PLA2G4C: variants seen among roughly 807,000 people sequenced by gnomAD.
PLA2G4C encodes the protein cytosolic phospholipase A2 gamma.
In PLA2G4C, 64 loss-of-function variants were observed where a neutral mutation model predicts 73.8. That is an observed-to-expected ratio of 0.87 (90% CI 0.71 to 1.07). The LOEUF (loss-of-function observed/expected upper bound fraction) is 1.07. PLA2G4C is among the 50% of genes least tolerant of loss of function. PLA2G4C has a pLI of 0.00. For missense variants in PLA2G4C, 622 were observed against 665.4 expected (o/e 0.93, Z 0.72); for synonymous variants, 254 against 252.1 (o/e 1.01, Z -0.07).
At chr19:48,067,087 A>C (rs533074167) in intron 13 of PLA2G4C, among the ~76,000 whole-genome samples, 21 of 152,188 alleles carry the variant, frequency 1.4e-4, no homozygotes, top group Admixed American at 2.6e-4. Context: ...AAATGGCCTC[A>C]GTGTGAGTTC....
Position 48,086,791 on chromosome 19 carries a change from C to T in PLA2G4C, c.791-1679G>A, listed in dbSNP as rs556587733. On this transcript the variant is annotated intron_variant, in intron 9 of 16. Coordinates refer to ENST00000599921, the MANE Select transcript of PLA2G4C (RefSeq NM_003706.3). ...TCAGCTATCACCACTGCATGCACCACTCTGGCTAACCAGGAGGTCCTGAGT... is the reference window on the plus strand; with the variant it reads ...TCAGCTATCACCACTGCATGCACCATTCTGGCTAACCAGGAGGTCCTGAGT... Among the ~76,000 whole-genome samples the T allele has an allele frequency of 2.7e-4, 41 of 152,312 alleles. 1 individual carries two copies. The South Asian group carries it at 3.9e-3, about 15-fold the overall frequency.
intron 5 of PLA2G4C, among the ~76,000 whole-genome samples, chr19:48,098,713 T>TAAAAAAAAAAAAAAAAAA (rs548688675): frequency 6.5e-5 from 2 of 30,862 alleles, no homozygotes; most frequent in Admixed American, 5.5e-4. Flanking sequence ...ACCCTATCTC[T>TAAAAAAAAAAAAAAAAAA]AAAAAAAAAA....
Position 48,093,272 on chromosome 19 carries a change from C to A in PLA2G4C, c.709+2192G>T, listed in dbSNP as rs548004229. 2.0e-5 allele frequency among the ~76,000 whole-genome samples: 3 copies of A among 152,292 alleles called. No individual in the cohort carries two copies. The South Asian group carries it at 6.2e-4, about 32-fold the overall frequency. On this transcript the variant is annotated intron_variant, in intron 7 of 16. Transcript: ENST00000599921. ...GGAACCTTTGATGTCATCTCTGATT[C>A]TCCTTACTCTCCACATCCAATCCAG...
intron 12 of PLA2G4C, among the ~76,000 whole-genome samples, chr19:48,069,299 G>T (rs558302173): frequency 1.3e-5 from 2 of 152,206 alleles, no homozygotes; most frequent in South Asian, 4.1e-4. Flanking sequence ...CTGTGTATCT[G>T]GGGAAATGAG....
chr19:48,102,434 T>C (rs2031968460), intron 4 of PLA2G4C, among the ~76,000 whole-genome samples: 1 of 151,202 alleles, frequency 6.6e-6, no homozygotes, highest in Non-Finnish European at 1.5e-5. Flanking sequence ...GAGGTTGCAA[T>C]GAGCCAAGAT....
chr19:48,061,232 G>A (rs1229936278), intron 14 of PLA2G4C: 1 of 150,244 alleles, frequency 6.7e-6, no homozygotes, highest in Non-Finnish European at 1.5e-5. Flanking sequence ...AGGCTGCAGT[G>A]AGCTATGATC....
chr19:48,089,214 G>A (rs2031155157), intron 8 of PLA2G4C, among the ~76,000 whole-genome samples: 1 of 152,140 alleles, frequency 6.6e-6, no homozygotes, highest in African/African-American at 2.4e-5. Context: ...ATCACTTGAG[G>A]TCAGGAGTTC....
intron 10 of PLA2G4C, among the ~76,000 whole-genome samples, chr19:48,084,760 C>A (rs1272632955): frequency 6.6e-6 from 1 of 152,154 alleles, no homozygotes; most frequent in African/African-American, 2.4e-5. Context: ...ATTATTATCA[C>A]CCACATGGCA....
intron 12 of PLA2G4C, 126 bp from the exon 13 acceptor site, chr19:48,068,012 A>G (rs1968507629): frequency 1.4e-6 from 1 of 740,160 alleles, no homozygotes; most frequent in African/African-American, 1.7e-5. Context: ...ACTTTTAAAG[A>G]GGTCATTCAG....
intron 9 of PLA2G4C, among the ~76,000 whole-genome samples, chr19:48,088,183 C>T (rs878943133): frequency 6.6e-6 from 1 of 152,074 alleles, no homozygotes; most frequent in Admixed American, 6.5e-5. Flanking sequence ...ACCATTCCAG[C>T]CCTGTAGGCA....
At chr19:48,106,989 C>T (rs1331945778) in intron 1 of PLA2G4C, among the ~76,000 whole-genome samples, 1 of 152,106 alleles carries the variant, frequency 6.6e-6, no homozygotes, top group Non-Finnish European at 1.5e-5. Flanking sequence ...GGATTACAGG[C>T]ATGCACCACC....
At chr19:48,083,051 T>C (rs2030707606) in intron 10 of PLA2G4C, among the ~76,000 whole-genome samples, 1 of 150,342 alleles carries the variant, frequency 6.7e-6, no homozygotes, top group African/African-American at 2.4e-5. Flanking sequence ...CCTGACCTGG[T>C]GATCCACCCG....
At position 48,093,797 on chromosome 19, in the gene PLA2G4C, G is replaced by A. The variant is rs530238972; in HGVS notation, c.709+1667C>T. Among the ~76,000 whole-genome samples, 9 of 152,274 alleles carry A rather than the reference G, an allele frequency of 5.9e-5. No individual in the cohort carries two copies. In the East Asian group the frequency reaches 1.7e-3, roughly 29 times the overall value. ...TGTTGAGGGAGAGACCTGGTGGGAG[G>A]TAATCAGATCATGGGGGCAGATCCC... On this transcript the variant is annotated intron_variant, in intron 7 of 16. Transcript: ENST00000599921.
At chr19:48,097,252 T>TTCTTC (rs1211767082) in intron 6 of PLA2G4C, 1 of 56,088 alleles carries the variant, frequency 1.8e-5, no homozygotes, top group East Asian at 6.1e-3. Flanking sequence ...TTCTTTTTTC[T>TTCTTC]TTTTTTTTTT....
In PLA2G4C at chr19:48,097,251, C is replaced by CTTTTTTTTTTTTTTTTTTTTTTTT. The variant is rs1176855747; in HGVS notation, c.568+887_568+888insAAAAAAAAAAAAAAAAAAAAAAAA. 7 of 86,574 alleles carry CTTTTTTTTTTTTTTTTTTTTTTTT rather than the reference C, an allele frequency of 8.1e-5. 1 individual carries two copies. Among genetic ancestry groups the CTTTTTTTTTTTTTTTTTTTTTTTT allele is most frequent in the African/African-American group, 3.4e-4 (7 of 20,636 alleles). The allele number at this position is 86,574 out of a possible 1,614,324, so 5.4% of individuals were successfully genotyped here. On this transcript the variant is annotated intron_variant, in intron 6 of 16. Transcript: ENST00000599921. Reference sequence around the variant, plus strand: ...AGTTTTCTTTACTTTTTTCTTTTTTCTTTTTTTTTTTTTTTTTTTGAGACG... The same window carrying CTTTTTTTTTTTTTTTTTTTTTTTT: ...AGTTTTCTTTACTTTTTTCTTTTTTCTTTTTTTTTTTTTTTTTTTTTTTTTTTTTTTTTTTTTTTTTTTGAGACG...
At chr19:48,081,423 A>G (rs1475921100) in intron 10 of PLA2G4C, among the ~76,000 whole-genome samples, 2 of 152,150 alleles carry the variant, frequency 1.3e-5, no homozygotes, top group African/African-American at 2.4e-5. Context: ...AACGGACTTC[A>G]GAGATTCAGA....
In PLA2G4C at chr19:48,110,559, G is replaced by A. The variant is rs1332283523; in HGVS notation, c.-105C>T. 3 of 1,483,604 alleles carry A rather than the reference G, an allele frequency of 2.0e-6. No individual in the cohort carries two copies. The highest frequency in any genetic ancestry group is 1.4e-5 in the African/African-American group (1 of 69,484). 91.9% of individuals were successfully genotyped at this position (1,483,604 alleles called of 1,614,324 possible). On this transcript the variant is annotated 5_prime_UTR_variant, in exon 1 of 17. Transcript: ENST00000599921. ...TCCGGAATCCGGTGCGGAGGCTTGG[G>A]CTCCCTGCGCTTAGCGGTGTAGTCG...
At chr19:48,082,295 T>G (rs1028744968) in intron 10 of PLA2G4C, among the ~76,000 whole-genome samples, 1 of 152,012 alleles carries the variant, frequency 6.6e-6, no homozygotes, top group Non-Finnish European at 1.5e-5. Flanking sequence ...TTGATCCTTA[T>G]AATTAAAATA....
intron 10 of PLA2G4C, among the ~76,000 whole-genome samples, chr19:48,079,781 C>T (rs572687597): frequency 1.3e-5 from 2 of 152,154 alleles, no homozygotes; most frequent in South Asian, 2.1e-4. Context: ...ACCAACATGA[C>T]GAAACCCCAT....
Sources: allele counts gnomAD v4.1 joint callset (sites outside exome capture counted in the v4.1 genomes callset), GRCh38; gene constraint gnomAD v4.1.1; transcripts MANE v1.5; gene names NCBI Gene and HGNC (gene_info 2026-07-23, HGNC 2026-07-21).